The following CFAP43 variants were observed in gnomAD, a reference collection of about 807,000 sequenced individuals.
CFAP43 encodes cilia and flagella associated protein 43.
Under a neutral mutation model 218.9 loss-of-function variants are expected in CFAP43, and 155 were observed. That is an observed-to-expected ratio of 0.71 (90% confidence interval 0.62 to 0.81). The LOEUF (loss-of-function observed/expected upper bound fraction) is 0.81, where lower values mean the gene tolerates loss of function less well. Among genes scored for constraint, CFAP43 ranks in the 30% least tolerant of loss-of-function variants. The pLI is 0.00. For synonymous variants in CFAP43, 645 were observed against 681.3 expected, an observed-to-expected ratio of 0.95 and a Z score of 0.83; for missense variants, 1,778 against 1,954.3, an observed-to-expected ratio of 0.91 and a Z score of 1.70.
At chr10:104,136,752 A>G (rs2087471677) in intron 34 of CFAP43, among the ~76,000 whole-genome samples, 1 of 152,210 alleles carries the variant, frequency 6.6e-6, no homozygotes, top group African/African-American at 2.4e-5. Context: ...TTTAATGTCC[A>G]GAACATATAA....
At chr10:104,132,606 C>A (rs1007886002) in intron 35 of CFAP43, 1 of 981,990 alleles carries the variant, frequency 1.0e-6, no homozygotes, top group Non-Finnish European at 1.2e-6. Flanking sequence ...AAGAGCAAAA[C>A]CCCATCTCAA....
Position 104,196,774 on chromosome 10 carries a change from T to C in CFAP43, c.1293+79A>G, listed in dbSNP as rs2090392513. 8.3e-6 allele frequency: 10 copies of C among 1,204,628 alleles called. No individual in the cohort carries two copies. In the East Asian group the frequency reaches 2.5e-4, roughly 30 times the overall value. 74.6% of individuals were successfully genotyped at this position (1,204,628 alleles called of 1,614,324 possible). ...TTCGGTAACAAGTATTTCTACAGAC[T>C]ATTGACATGTGAATATGAAAAAGTA... On this transcript the variant is annotated intron_variant, in intron 10 of 37. Coordinates refer to ENST00000357060, the MANE Select transcript of CFAP43 (RefSeq NM_025145.7).
In CFAP43 at chr10:104,146,288, T is replaced by C; in HGVS notation, c.3830A>G (p.Tyr1277Cys). ...TTTGTCTTCTGCCAGTAAGTTGTCA[T>C]AGTGCTCCTTGCACACATCCAGGTC... is the stretch of plus-strand genomic sequence containing the variant. ...REDLDVCKEH[Y>C]DNLLAEDKVM... is the part of the protein sequence containing the mutation. Residue 1277 changes from tyrosine (Y) to cysteine (C), a missense_variant, in exon 30 of 38, where the codon TAT becomes TGT. This residue lies in a region of CFAP43 where 1,553 missense variants were observed against 1,685.2 expected (regional missense o/e 0.92). Coordinates refer to ENST00000357060, the MANE Select transcript of CFAP43 (RefSeq NM_025145.7). 1.2e-6 allele frequency: 2 copies of C among 1,613,822 alleles called. No individual in the cohort carries two copies. Among genetic ancestry groups the C allele is most frequent in the East Asian group, 2.2e-5 (1 of 44,860 alleles).
chr10:104,133,241 T>C (rs762414397), intron 35 of CFAP43, among the ~76,000 whole-genome samples: 23 of 152,176 alleles, frequency 1.5e-4, no homozygotes, highest in Non-Finnish European at 2.6e-4. Flanking sequence ...AACGGCTATA[T>C]TGAAGTGTTA....
intron 32 of CFAP43, 24 bp from the exon 33 acceptor site, chr10:104,142,417 T>C (rs753499030): frequency 1.2e-5 from 19 of 1,590,898 alleles, no homozygotes; most frequent in Non-Finnish European, 1.5e-5. Flanking sequence ...GCCAGAAACA[T>C]GTCAGAACAT....
Position 104,172,279 on chromosome 10 carries a change from G to A in CFAP43, c.2586+131C>T, listed in dbSNP as rs911080115. 4 of 1,163,206 alleles carry A rather than the reference G, an allele frequency of 3.4e-6. No homozygotes were observed. The African/African-American group carries it at 6.4e-5, about 19-fold the overall frequency. 72.1% of individuals were successfully genotyped at this position (1,163,206 alleles called of 1,614,324 possible). On this transcript the variant is annotated intron_variant, in intron 20 of 37. Transcript: ENST00000357060. ...GATTCATTATACTTATATGCACTAT[G>A]TTTGCTTTATTCACATTATACTGAA...
At chr10:104,154,297 G>A (rs1338100722) in intron 27 of CFAP43, among the ~76,000 whole-genome samples, 1 of 152,106 alleles carries the variant, frequency 6.6e-6, no homozygotes, top group Non-Finnish European at 1.5e-5. Context: ...GAAAAGCCAA[G>A]TTCTCTCTAT....
intron 34 of CFAP43, among the ~76,000 whole-genome samples, chr10:104,134,606 C>G (rs2087351347): frequency 6.6e-6 from 1 of 152,020 alleles, no homozygotes; most frequent in Non-Finnish European, 1.5e-5. Context: ...TATGAAAATT[C>G]TACACCAACA....
At chr10:104,222,988 A>G (rs1353670612) in intron 3 of CFAP43, among the ~76,000 whole-genome samples, 7 of 152,360 alleles carry the variant, frequency 4.6e-5, no homozygotes, top group African/African-American at 1.7e-4. Flanking sequence ...TTTGCAGACC[A>G]TATATGGGCT....
At chr10:104,164,340 A>G (rs996498074) in intron 23 of CFAP43, 40 bp from the exon 24 acceptor site, 8 of 1,347,462 alleles carry the variant, frequency 5.9e-6, no homozygotes, top group Admixed American at 2.0e-5. Flanking sequence ...ATCACATATT[A>G]TATCTTTACT....
At chr10:104,150,762 G>A (rs1296948508) in intron 28 of CFAP43, among the ~76,000 whole-genome samples, 1 of 152,050 alleles carries the variant, frequency 6.6e-6, no homozygotes, top group Non-Finnish European at 1.5e-5. Context: ...TTAGGTTCAG[G>A]GGTACATATG....
At chr10:104,214,226 C>A in intron 4 of CFAP43, 33 bp downstream of exon 4, 1 of 1,526,828 alleles carries the variant, frequency 6.5e-7, no homozygotes, top group Non-Finnish European at 8.8e-7. Flanking sequence ...ACAAAGACCA[C>A]CATGTTGCTA....
chr10:104,205,933 C>A, intron 7 of CFAP43, 30 bp downstream of exon 7: 1 of 1,581,714 alleles, frequency 6.3e-7, no homozygotes, highest in Non-Finnish European at 8.6e-7. Context: ...TTTCTTTAAA[C>A]CAATTAATTT....
At chr10:104,132,254 TA>T in intron 35 of CFAP43, 58 bp from the exon 36 acceptor site, 1 of 1,227,544 alleles carries the variant, frequency 8.1e-7, no homozygotes, top group Non-Finnish European at 1.2e-6. Flanking sequence ...TAGATGACTT[TA>T]TAAAGGTTGT....
intron 34 of CFAP43, among the ~76,000 whole-genome samples, chr10:104,134,684 G>T (rs1470179525): frequency 6.6e-6 from 1 of 151,866 alleles, no homozygotes; most frequent in Non-Finnish European, 1.5e-5. Context: ...AATTCAAAAA[G>T]TAATAGAAAA....
intron 27 of CFAP43, among the ~76,000 whole-genome samples, chr10:104,159,956 AG>A (rs2088788080): frequency 6.6e-6 from 1 of 152,186 alleles, no homozygotes; most frequent in Admixed American, 6.5e-5. Flanking sequence ...GGAAAAATGG[AG>A]TAGCATTGCG....
Position 104,130,119 on chromosome 10 carries a change from G to C in CFAP43, c.*20C>G, listed in dbSNP as rs751504210. 1.9e-6 allele frequency: 3 copies of C among 1,566,210 alleles called. No individual in the cohort carries two copies. In the East Asian group the frequency reaches 6.9e-5, roughly 36 times the overall value. On this transcript the variant is annotated 3_prime_UTR_variant, in exon 38 of 38. Coordinates refer to ENST00000357060, the MANE Select transcript of CFAP43 (RefSeq NM_025145.7). ...TTTTTTAAATGATTGATTTGGCCTT[G>C]TGTTTTCCTGCCAGCGTTTTTACAT...
rs1165927601 is a variant in CFAP43 at position 104,167,176 on chromosome 10, A to G, written c.2808+445T>C. ...CCAAAACAAAACTACACTGAAGGGC[A>G]GTGTTTTTTTAGTGGTTTGACAGAG... On this transcript the variant is annotated intron_variant, in intron 22 of 37. Transcript: ENST00000357060. 2.6e-5 allele frequency among the ~76,000 whole-genome samples: 4 copies of G among 152,210 alleles called. No homozygotes were observed. In the East Asian group the frequency reaches 7.7e-4, roughly 29 times the overall value.
At chr10:104,165,470 C>G (rs1357430214) in intron 23 of CFAP43, among the ~76,000 whole-genome samples, 1 of 152,120 alleles carries the variant, frequency 6.6e-6, no homozygotes, top group African/African-American at 2.4e-5. Context: ...ACAGAAATTT[C>G]AGGGGCTAGA....
Sources: gnomAD v4.1 joint callset for allele counts (sites outside exome capture counted in the v4.1 genomes callset) on GRCh38, gnomAD v4.1.1 for gene constraint, gnomAD v4.1.1 regional missense constraint, MANE v1.5 for transcripts, NCBI Gene and HGNC (gene_info 2026-07-23, HGNC 2026-07-21) for gene names.